Variants in OR1A1 observed in about 807,000 individuals in gnomAD.
OR1A1 encodes the protein olfactory receptor family 1 subfamily A member 1.
For synonymous variants in OR1A1, 145 were observed against 147.8 expected (o/e 0.98, Z 0.13); for missense variants, 391 against 379.9 (o/e 1.03, Z -0.24).
intron 3 of OR1A1, among the ~76,000 whole-genome samples, chr17:3,215,390 T>A (rs371910660): frequency 6.6e-6 from 1 of 152,318 alleles, no homozygotes; most frequent in East Asian, 1.9e-4. Flanking sequence ...GCACTTCTGA[T>A]TCAGAGATTG....
chr17:3,208,301 C>A (rs1345428141), intron 1 of OR1A1, among the ~76,000 whole-genome samples: 3 of 152,068 alleles, frequency 2.0e-5, no homozygotes, highest in Non-Finnish European at 4.4e-5. Context: ...TTGCTTTTCT[C>A]AGTCTTTAGC....
At chr17:3,213,929 A>G (rs2048454512) in intron 3 of OR1A1, 1 of 152,254 alleles carries the variant, frequency 6.6e-6, no homozygotes, top group African/African-American at 2.4e-5. Context: ...AGAGTACAAG[A>G]CGGATCAAAG....
chr17:3,210,185 C>T (rs934717333), intron 2 of OR1A1, among the ~76,000 whole-genome samples: 7 of 149,930 alleles, frequency 4.7e-5, no homozygotes, highest in Non-Finnish European at 1.0e-4. Flanking sequence ...TAGATGGGGT[C>T]TCACACTATT....
chr17:3,215,776 T>C lies in OR1A1; in HGVS notation c.156T>C (p.Asp52=). The change falls in exon 4 of 4, where the codon GAT becomes GAC. Residue 52 remains aspartate (D), a synonymous_variant. Transcript: ENST00000641732. ...TCATCGTCCTAGCCATTTGCTCTGA[T>C]GTTCGCCTTCACAACCCCATGTATT... is the stretch of plus-strand genomic sequence containing the variant. The part of the protein sequence containing the change: ...NLLIVLAICS[D]VRLHNPMYFL... 6.2e-7 allele frequency: 1 copy of C among 1,614,168 alleles called. No individual in the cohort carries two copies. The highest frequency in any genetic ancestry group is 8.5e-7 in the Non-Finnish European group (1 of 1,180,036).
At chr17:3,214,679 T>A (rs1245255519) in intron 3 of OR1A1, 2 of 151,956 alleles carry the variant, frequency 1.3e-5, no homozygotes, top group Non-Finnish European at 2.9e-5. Flanking sequence ...ATGAGTGAAG[T>A]GGAAATACGG....
At chr17:3,211,634 T>A (rs1419794325) in intron 2 of OR1A1, among the ~76,000 whole-genome samples, 1 of 152,078 alleles carries the variant, frequency 6.6e-6, no homozygotes, top group Non-Finnish European at 1.5e-5. Flanking sequence ...CCGTGCCCAG[T>A]CTCCTACATG....
chr17:3,211,195 A>G (rs1044461945), intron 2 of OR1A1, among the ~76,000 whole-genome samples: 8 of 152,068 alleles, frequency 5.3e-5, no homozygotes, highest in African/African-American at 1.9e-4. Context: ...TAGACCAAAT[A>G]TTGATTTCTT....
intron 1 of OR1A1, among the ~76,000 whole-genome samples, 196 bp downstream of exon 1, chr17:3,208,196 AG>A (rs1211052506): frequency 6.6e-6 from 1 of 150,934 alleles, no homozygotes; most frequent in Admixed American, 6.6e-5. Flanking sequence ...GAGAGAGAGG[AG>A]GAGGAGGAGG....
At position 3,212,604 on chromosome 17, in the gene OR1A1, T is replaced by G. The variant is rs2048447980; in HGVS notation, c.-6+5T>G. ...CTGAACGATTTGACACCTGAGGTAT[T>G]ATGATTCTATTTGAAGAAGGGGGAG... is the stretch of plus-strand genomic sequence containing the variant. On this transcript the variant is annotated splice_donor_5th_base_variant and intron_variant, in intron 3 of 3. Coordinates refer to ENST00000641732, the MANE Select transcript of OR1A1 (RefSeq NM_014565.3). 6.6e-6 allele frequency: 1 copy of G among 152,160 alleles called. No homozygotes were observed. The highest frequency in any genetic ancestry group is 1.5e-5 in the Non-Finnish European group (1 of 68,012). 9.4% of individuals were successfully genotyped at this position (152,160 alleles called of 1,614,324 possible).
chr17:3,210,680 A>G (rs183962693), intron 2 of OR1A1, among the ~76,000 whole-genome samples: 6 of 152,104 alleles, frequency 3.9e-5, no homozygotes, highest in African/African-American at 1.2e-4. Flanking sequence ...ATCTCGACTC[A>G]CTGCAACCTC....
Position 3,216,485 on chromosome 17 carries a change from A to C in OR1A1, c.865A>C (p.Ser289Arg), listed in dbSNP as rs918769829. The C allele has an allele frequency of 1.9e-6, 3 of 1,614,136 alleles. No homozygotes were observed. In the Admixed American group the frequency reaches 5.0e-5, roughly 27 times the overall value. The change falls in exon 4 of 4, where the codon AGT (serine) becomes CGT (arginine). Residue 289 changes from serine (S) to arginine (R), a missense_variant. Physicochemically the swap from Ser to Arg is moderately radical, Grantham distance 110. Coordinates refer to ENST00000641732, the MANE Select transcript of OR1A1 (RefSeq NM_014565.3). ...VTPMLNPFIY[S>R]LRNRDMKAAL... The stretch of plus-strand genomic sequence containing the variant: ...CCCAATGTTAAATCCTTTCATCTAC[A>C]GTCTGAGAAATCGGGACATGAAGGC...
rs982676054 is a variant in OR1A1, at chr17:3,215,750, C to T, written c.130C>T (p.Leu44Phe). 6.2e-7 allele frequency: 1 copy of T among 1,614,168 alleles called. No individual in the cohort carries two copies. The highest frequency in any genetic ancestry group is 1.1e-5 in the South Asian group (1 of 91,076). The change falls in exon 4 of 4, where the codon CTC (leucine) becomes TTC (phenylalanine). Residue 44 changes from leucine (L) to phenylalanine (F), a missense_variant. Physicochemically the swap from Leu to Phe is conservative, Grantham distance 22. Coordinates refer to ENST00000641732, the MANE Select transcript of OR1A1 (RefSeq NM_014565.3). ...CCCCATCACATTGATTGGAAACCTG[C>T]TCATCGTCCTAGCCATTTGCTCTGA... ...IYPITLIGNLLIVLAICSDVR... is the reference protein window; with the variant it reads ...IYPITLIGNLFIVLAICSDVR...
At position 3,216,526 on chromosome 17, in the gene OR1A1, C is replaced by G; in HGVS notation, c.906C>G (p.Leu302=). Residue 302 remains leucine, a synonymous_variant, in exon 4 of 4, where the codon CTC becomes CTG. Coordinates refer to ENST00000641732, the MANE Select transcript of OR1A1 (RefSeq NM_014565.3). ...NRDMKAALRK[L]FNKRISS ...ACATGAAGGCTGCCCTGCGGAAACT[C>G]TTCAACAAGAGAATCTCCTCGTAAC... 1 of 1,612,586 alleles carries G rather than the reference C, an allele frequency of 6.2e-7. No homozygotes were observed. Among genetic ancestry groups the G allele is most frequent in the Non-Finnish European group, 8.5e-7 (1 of 1,178,992 alleles).
Position 3,216,452 on chromosome 17 carries a change from G to A in OR1A1, c.832G>A (p.Ala278Thr). ...CGCAGTGATCACTGTAATGTACACGGCAGTGACCCCAATGTTAAATCCTTT... is the reference window on the plus strand; with the variant it reads ...CGCAGTGATCACTGTAATGTACACGACAGTGACCCCAATGTTAAATCCTTT... ...KDAVITVMYT[A>T]VTPMLNPFIY... Residue 278 changes from alanine (A) to threonine (T), a missense_variant, in exon 4 of 4, where the codon GCA becomes ACA. Ala to Thr is a moderately conservative substitution (Grantham distance 58). Coordinates refer to ENST00000641732, the MANE Select transcript of OR1A1 (RefSeq NM_014565.3). 3 of 1,614,024 alleles carry A rather than the reference G, an allele frequency of 1.9e-6. No individual in the cohort carries two copies. Among genetic ancestry groups the A allele is most frequent in the Non-Finnish European group, 2.5e-6 (3 of 1,179,886 alleles).
intron 2 of OR1A1, among the ~76,000 whole-genome samples, chr17:3,209,906 C>A (rs1415022243): frequency 6.7e-6 from 1 of 150,154 alleles, no homozygotes; most frequent in African/African-American, 2.4e-5. Context: ...ACACTTTTAC[C>A]ACATACAAAC....
intron 3 of OR1A1, chr17:3,214,535 G>GAAAAAAAAAAAAAAAAAAAAAAAAAA (rs10554992): frequency 2.2e-5 from 3 of 136,422 alleles, no homozygotes; most frequent in Non-Finnish European, 3.1e-5. Context: ...AAAAAAAAAA[G>GAAAAAAAAAAAAAAAAAAAAAAAAAA]AAAAAAAAAA....
At chr17:3,210,897 T>C (rs1398988765) in intron 2 of OR1A1, among the ~76,000 whole-genome samples, 2 of 152,134 alleles carry the variant, frequency 1.3e-5, no homozygotes, top group East Asian at 1.9e-4. Flanking sequence ...TGAGCCACCG[T>C]GCCTGGCCTG....
chr17:3,211,626 G>T (rs147501711), intron 2 of OR1A1, among the ~76,000 whole-genome samples: 8 of 152,084 alleles, frequency 5.3e-5, no homozygotes, highest in African/African-American at 1.9e-4. Context: ...GTGAGCCACC[G>T]TGCCCAGTCT....
intron 2 of OR1A1, among the ~76,000 whole-genome samples, chr17:3,210,566 C>A (rs151206356): frequency 4.6e-5 from 7 of 152,174 alleles, no homozygotes; most frequent in African/African-American, 1.2e-4. Flanking sequence ...AGTCTTTGGA[C>A]CATTATCTTC....
Sources: allele counts gnomAD v4.1 joint callset (sites outside exome capture counted in the v4.1 genomes callset), GRCh38; gene constraint gnomAD v4.1.1; transcripts MANE v1.5; gene names NCBI Gene and HGNC (gene_info 2026-07-23, HGNC 2026-07-21).